The following CSMD1 variants were observed in gnomAD, a reference collection of about 807,000 sequenced individuals.
The protein encoded by CSMD1 is CUB and sushi domain-containing protein 1.
CSMD1 carries 213 observed loss-of-function variants against 417.5 expected under a neutral mutation model. That is an observed-to-expected ratio of 0.51 (90% CI 0.46 to 0.57). The LOEUF (loss-of-function observed/expected upper bound fraction) is 0.57, where lower values mean the gene tolerates loss of function less well. Among genes scored for constraint, CSMD1 ranks in the 20% least tolerant of loss-of-function variants. CSMD1 has a pLI of 0.00. For synonymous variants in CSMD1, 2,862 were observed against 1,736.8 expected, an observed-to-expected ratio of 1.65 and a Z score of -16.11; for missense variants, 6,923 against 4,529.7, an observed-to-expected ratio of 1.53 and a Z score of -15.17.
At chr8:4,115,689 C>T (rs901759615) in intron 3 of CSMD1, among the ~76,000 whole-genome samples, 3 of 152,056 alleles carry the variant, frequency 2.0e-5, no homozygotes, top group African/African-American at 7.2e-5. Context: ...GACCAAGGTG[C>T]CCTGTAAGAG....
At chr8:4,178,743 C>G (rs1798193351) in intron 3 of CSMD1, among the ~76,000 whole-genome samples, 2 of 152,120 alleles carry the variant, frequency 1.3e-5, no homozygotes, top group Non-Finnish European at 2.9e-5. Context: ...TCTCAGGATA[C>G]AAAATCAATG....
intron 3 of CSMD1, among the ~76,000 whole-genome samples, chr8:4,409,642 CTTTTTTTT>C (rs61368925): frequency 1.8e-4 from 25 of 141,866 alleles, no homozygotes; most frequent in East Asian, 8.2e-4. Flanking sequence ...GACTTTTTTT[CTTTTTTTT>C]TTTTTTTTTT....
chr8:4,823,497 A>G (rs1799636149), intron 1 of CSMD1, among the ~76,000 whole-genome samples: 1 of 152,062 alleles, frequency 6.6e-6, no homozygotes, highest in Admixed American at 6.6e-5. Context: ...AATAATGCAT[A>G]TAAACTCACT....
intron 4 of CSMD1, among the ~76,000 whole-genome samples, chr8:4,024,553 A>C (rs1211591443): frequency 6.6e-6 from 1 of 152,132 alleles, no homozygotes; most frequent in Non-Finnish European, 1.5e-5. Flanking sequence ...TCAATTTGAG[A>C]CTTTAGTTTT....
chr8:4,515,752 T>A (rs1267727268), intron 2 of CSMD1, among the ~76,000 whole-genome samples: 1 of 152,184 alleles, frequency 6.6e-6, no homozygotes, highest in Non-Finnish European at 1.5e-5. Flanking sequence ...AGTCTGGACG[T>A]GCTCTGCAAC....
At chr8:4,387,310 T>C (rs568188659) in intron 3 of CSMD1, among the ~76,000 whole-genome samples, 27 of 152,140 alleles carry the variant, frequency 1.8e-4, no homozygotes, top group African/African-American at 6.3e-4. Flanking sequence ...TAGATAGTAA[T>C]TCCTGAAACA....
chr8:4,187,833 T>G (rs1399882330), intron 3 of CSMD1, among the ~76,000 whole-genome samples: 5 of 152,106 alleles, frequency 3.3e-5, no homozygotes, highest in Non-Finnish European at 7.3e-5. Context: ...TCAGATGACT[T>G]GCTGAGACTA....
intron 12 of CSMD1, among the ~76,000 whole-genome samples, chr8:3,448,568 G>T (rs1294237051): frequency 6.6e-6 from 1 of 152,072 alleles, no homozygotes; most frequent in Non-Finnish European, 1.5e-5. Flanking sequence ...AAGGTTTGTA[G>T]GAGTTGCTGT....
intron 26 of CSMD1, among the ~76,000 whole-genome samples, chr8:3,253,709 T>A (rs1800440410): frequency 6.6e-6 from 1 of 151,926 alleles, no homozygotes; most frequent in Non-Finnish European, 1.5e-5. Flanking sequence ...GAATCTTTTT[T>A]TGTTTTCTGT....
chr8:4,766,017 AT>A (rs1470994922), intron 1 of CSMD1, among the ~76,000 whole-genome samples: 3 of 152,198 alleles, frequency 2.0e-5, no homozygotes, highest in South Asian at 4.1e-4. Context: ...TCAAATATAT[AT>A]TTTTTAATCT....
At chr8:3,309,088 C>T (rs991323313) in intron 23 of CSMD1, among the ~76,000 whole-genome samples, 4 of 152,026 alleles carry the variant, frequency 2.6e-5, no homozygotes, top group Non-Finnish European at 5.9e-5. Context: ...CAGTCTGCAC[C>T]CTGGATTCTC....
chr8:4,226,738 G>C (rs1177598395), intron 3 of CSMD1, among the ~76,000 whole-genome samples: 2 of 151,990 alleles, frequency 1.3e-5, no homozygotes, highest in Non-Finnish European at 1.5e-5. Context: ...TTAATAATCA[G>C]TTAACCTGGC....
At chr8:4,690,067 G>A (rs1210497721) in intron 1 of CSMD1, among the ~76,000 whole-genome samples, 2 of 152,106 alleles carry the variant, frequency 1.3e-5, no homozygotes, top group Non-Finnish European at 2.9e-5. Context: ...AACATTATAC[G>A]GAGAAGAGTT....
At chr8:4,485,031 C>G (rs1801303747) in intron 2 of CSMD1, among the ~76,000 whole-genome samples, 1 of 122,246 alleles carries the variant, frequency 8.2e-6, no homozygotes, top group Admixed American at 9.4e-5. Context: ...GAAAGAGTCA[C>G]TATGACATAT....
chr8:3,009,692 C>T (rs376005596), intron 52 of CSMD1, among the ~76,000 whole-genome samples: 97 of 152,172 alleles, frequency 6.4e-4, no homozygotes, highest in African/African-American at 2.3e-3. Context: ...CAATGCTGAC[C>T]GACTTAGCCC....
chr8:3,749,285 A>G (rs1295322240), intron 6 of CSMD1, among the ~76,000 whole-genome samples: 1 of 152,228 alleles, frequency 6.6e-6, no homozygotes, highest in African/African-American at 2.4e-5. Context: ...ACAGCCCAAT[A>G]TATACAGCAG....
intron 2 of CSMD1, among the ~76,000 whole-genome samples, chr8:4,539,519 G>A (rs1377807742): frequency 6.6e-6 from 1 of 152,088 alleles, no homozygotes; most frequent in East Asian, 1.9e-4. Context: ...TATTTCATTA[G>A]CCTTACAGAA....
Position 3,468,809 on chromosome 8 carries a change from A to G in CSMD1, c.1464T>C (p.Ser488=), listed in dbSNP as rs1209250153. 12 of 1,597,974 alleles carry G rather than the reference A, an allele frequency of 7.5e-6. No individual in the cohort carries two copies. In the Admixed American group the frequency reaches 2.1e-4, roughly 28 times the overall value. Residue 488 remains serine (S), a synonymous_variant, in exon 12 of 70, where the codon AGT becomes AGC. Transcript: ENST00000635120. ...RSVLYVLTGS[S]VPDLIVSMSN... is the part of the protein sequence containing the mutation. ...TCATGCTCACAATGAGGTCAGGAACACTGGATCCCGTGAGCCTGCAAGAAA... is the reference window on the plus strand; with the variant it reads ...TCATGCTCACAATGAGGTCAGGAACGCTGGATCCCGTGAGCCTGCAAGAAA...
intron 12 of CSMD1, among the ~76,000 whole-genome samples, chr8:3,428,631 T>A (rs1461194813): frequency 6.6e-6 from 1 of 152,140 alleles, no homozygotes; most frequent in Non-Finnish European, 1.5e-5. Flanking sequence ...ACAGCCACCA[T>A]GGAAAACAGT....
Sources: allele counts gnomAD v4.1 joint callset (sites outside exome capture counted in the v4.1 genomes callset), GRCh38; gene constraint gnomAD v4.1.1; transcripts MANE v1.5; gene names NCBI Gene and HGNC (gene_info 2026-07-23, HGNC 2026-07-21).